KCTD15: variants seen among roughly 807,000 people sequenced by gnomAD.
The protein encoded by KCTD15 is BTB/POZ domain-containing protein KCTD15.
In KCTD15, 11 loss-of-function variants were observed where a neutral mutation model predicts 27.2. The observed-to-expected ratio is 0.41, with a 90% CI of 0.25 to 0.67. The LOEUF (loss-of-function observed/expected upper bound fraction) is 0.67, where lower values mean the gene tolerates loss of function less well. KCTD15 is among the 30% of genes least tolerant of loss of function. The probability of loss-of-function intolerance (pLI) is 0.35; values close to 1 mark genes in which losing one functional copy is unlikely to be tolerated. For synonymous variants in KCTD15, 163 were observed against 176.0 expected (o/e 0.93, Z 0.58); for missense variants, 350 against 409.3 (o/e 0.86, Z 1.25).
upstream of KCTD15, chr19:33,795,853 C>A (rs1269245478): frequency 6.6e-6 from 1 of 152,022 alleles, no homozygotes; most frequent in African/African-American, 2.4e-5. Flanking sequence ...TAGCCGCGAG[C>A]GGTCGGCCCG....
chr19:33,801,066 T>C, intron 3 of KCTD15, 101 bp from the exon 4 acceptor site: 1 of 1,144,984 alleles, frequency 8.7e-7, no homozygotes, highest in Non-Finnish European at 1.2e-6. Flanking sequence ...TGATTAGATC[T>C]GTGATCACAC....
Position 33,803,600 on chromosome 19 carries a change from G to A in KCTD15, c.242+2258G>A, listed in dbSNP as rs578200338. ...GAGTCTCGTGCTGGGTGACTCCTCT[G>A]GTCTGCCTAGGAGCAGTCACTGGTC... On this transcript the variant is annotated intron_variant, in intron 4 of 6. Transcript: ENST00000683859. Among the ~76,000 whole-genome samples, 298 of 152,046 alleles carry A rather than the reference G, an allele frequency of 2.0e-3. 2 individuals are homozygous for A. Among genetic ancestry groups the A allele is most frequent in the African/African-American group, 6.9e-3 (285 of 41,484 alleles).
intron 4 of KCTD15, among the ~76,000 whole-genome samples, chr19:33,806,579 G>GTA (rs1975719088): frequency 6.6e-6 from 1 of 152,180 alleles, no homozygotes; most frequent in African/African-American, 2.4e-5. Context: ...TTCCAGGCCT[G>GTA]TAACATAACG....
chr19:33,801,243 C>T lies in KCTD15; in HGVS notation c.143C>T (p.Pro48Leu), dbSNP rs1215988783. ...SPLAAQGIPLPAQLTKSNAPV... is the reference protein window; with the variant it reads ...SPLAAQGIPLLAQLTKSNAPV... ...CTGGCTGCCCAGGGCATCCCCCTGC[C>T]AGCCCAGCTCACCAAGTCCAATGCA... Residue 48 changes from proline to leucine, a missense_variant, in exon 4 of 7, where the codon CCA becomes CTA. Physicochemically the swap from Pro to Leu is moderately conservative, Grantham distance 98. Coordinates refer to ENST00000683859, the MANE Select transcript of KCTD15 (RefSeq NM_001129994.2). 6.2e-7 allele frequency: 1 copy of T among 1,613,692 alleles called. No homozygotes were observed. Among genetic ancestry groups the T allele is most frequent in the Admixed American group, 1.7e-5 (1 of 59,994 alleles).
rs143973698 is a variant in KCTD15, at chr19:33,800,518, G to A, written c.64G>A (p.Ala22Thr). Reference protein sequence around the residue: ...SLHTHGSTGTAEGGNMSRLSL... With the variant: ...SLHTHGSTGTTEGGNMSRLSL... The stretch of plus-strand genomic sequence containing the variant: ...TCACACACACGGCAGCACCGGCACC[G>A]CGGTGAGCCTGCAGGGTGGGCTGGG... The change falls in exon 3 of 7, where the codon GCG becomes ACG. Residue 22 changes from alanine (A) to threonine (T), a missense_variant and splice_region_variant. Ala to Thr is a moderately conservative substitution (Grantham distance 58, BLOSUM62 0). Transcript: ENST00000683859. 3.0e-5 allele frequency: 48 copies of A among 1,592,622 alleles called. No homozygotes were observed. The highest frequency in any genetic ancestry group is 4.6e-5 in the South Asian group (4 of 87,164).
rs1976034260 is a variant in KCTD15 at position 33,814,422 on chromosome 19, T to C, written c.*1474T>C. ...GGGTCCTGAGCTTGGTGTTATTTATTGCATTTGGGTGCCTGTCCCCTCAGG... is the reference window on the plus strand; with the variant it reads ...GGGTCCTGAGCTTGGTGTTATTTATCGCATTTGGGTGCCTGTCCCCTCAGG... On this transcript the variant is annotated 3_prime_UTR_variant, in exon 7 of 7. Transcript: ENST00000683859. 6.6e-6 allele frequency: 1 copy of C among 152,180 alleles called. No homozygotes were observed. The highest frequency in any genetic ancestry group is 2.1e-4 in the South Asian group (1 of 4,824). 9.4% of individuals were successfully genotyped at this position (152,180 alleles called of 1,614,324 possible). A position where few individuals can be genotyped will look rare whatever the true frequency, so the allele number is the denominator to read the frequency against.
At chr19:33,802,620 G>T (rs541317806) in intron 4 of KCTD15, among the ~76,000 whole-genome samples, 1 of 152,082 alleles carries the variant, frequency 6.6e-6, no homozygotes, top group South Asian at 2.1e-4. Context: ...TGGGGCTTGT[G>T]GGGTGGGGAC....
At chr19:33,794,238 C>T (rs1366725331), upstream of KCTD15, among the ~76,000 whole-genome samples, 1 of 152,124 alleles carries the variant, frequency 6.6e-6, no homozygotes, top group Non-Finnish European at 1.5e-5. Flanking sequence ...ATCTCATGGC[C>T]TTGAGGCAAA....
Position 33,811,485 on chromosome 19 carries a change from G to A in KCTD15, c.626G>A (p.Trp209Ter). 6.2e-7 allele frequency: 1 copy of A among 1,612,890 alleles called. No homozygotes were observed. Among genetic ancestry groups the A allele is most frequent in the Non-Finnish European group, 8.5e-7 (1 of 1,179,752 alleles). ...DVMCNSVNAGWNQDPTHVIRF... is the reference protein window; with the variant it reads ...DVMCNSVNAG ...ATGTGCAACTCCGTCAACGCCGGCT[G>A]GAACCAGGACCCCACGCACGTCATC... The change falls in exon 6 of 7, where the codon TGG becomes TAG. Residue 209 changes from tryptophan (W) to a stop codon, truncating the protein, a stop_gained. Transcript: ENST00000683859. LOFTEE classifies it high-confidence loss of function.
chr19:33,806,015 G>T (rs1018566087), intron 4 of KCTD15, among the ~76,000 whole-genome samples: 1 of 152,188 alleles, frequency 6.6e-6, no homozygotes, highest in Non-Finnish European at 1.5e-5. Flanking sequence ...GTCCCCATCC[G>T]CCACCACTAG....
Position 33,815,031 on chromosome 19 carries a change from A to G in KCTD15, c.*2083A>G, listed in dbSNP as rs889755468. ...AGGCTCCCATCTGAGTGGAGGAGAA[A>G]GTGTTGTGTTTATTAGCAGGAAGTC... On this transcript the variant is annotated 3_prime_UTR_variant, in exon 7 of 7. Transcript: ENST00000683859. 7.9e-5 allele frequency: 12 copies of G among 152,282 alleles called. No homozygotes were observed. The highest frequency in any genetic ancestry group is 2.9e-4 in the African/African-American group (12 of 41,560). 9.4% of individuals were successfully genotyped at this position (152,282 alleles called of 1,614,324 possible).
upstream of KCTD15, among the ~76,000 whole-genome samples, chr19:33,795,675 G>T (rs1376170699): frequency 6.6e-6 from 1 of 152,100 alleles, no homozygotes; most frequent in African/African-American, 2.4e-5. Flanking sequence ...GGGCGCAAAG[G>T]AAACAGGAGG....
rs562831014 is a variant in KCTD15 at position 33,813,537 on chromosome 19, G to A, written c.*589G>A. The A allele has an allele frequency of 3.8e-5, 15 of 391,668 alleles. No homozygotes were observed. Among genetic ancestry groups the A allele is most frequent in the Non-Finnish European group, 6.1e-5 (12 of 198,222 alleles). 24.3% of individuals were successfully genotyped at this position (391,668 alleles called of 1,614,324 possible). Reference sequence around the variant, plus strand: ...CAGGGCTGGGGCTCTCGGGACAGATGCAGGGATGTGTGCTGCAGGGCTGCT... The same window carrying A: ...CAGGGCTGGGGCTCTCGGGACAGATACAGGGATGTGTGCTGCAGGGCTGCT... On this transcript the variant is annotated 3_prime_UTR_variant, in exon 7 of 7. Transcript: ENST00000683859.
chr19:33,814,544 A>G lies in KCTD15; in HGVS notation c.*1596A>G, dbSNP rs1976037158. 6.6e-6 allele frequency: 1 copy of G among 152,184 alleles called. No individual in the cohort carries two copies. The highest frequency in any genetic ancestry group is 6.5e-5 in the Admixed American group (1 of 15,280). The allele number at this position is 152,184 out of a possible 1,614,324, so 9.4% of individuals were successfully genotyped here. On this transcript the variant is annotated 3_prime_UTR_variant, in exon 7 of 7. Transcript: ENST00000683859. ...TGGGTGCTTTTGAACCCTGTCTCAA[A>G]TGTTTGGGATTTTCTCTCTCACTAT...
chr19:33,800,249 T>G (rs1975482581), intron 2 of KCTD15, among the ~76,000 whole-genome samples, 179 bp from the exon 3 acceptor site: 1 of 152,162 alleles, frequency 6.6e-6, no homozygotes, highest in East Asian at 1.9e-4. Flanking sequence ...CCTGGAGGCC[T>G]GCTTTGGGGT....
chr19:33,796,589 G>A (rs1158664111), upstream of KCTD15: 1 of 151,636 alleles, frequency 6.6e-6, no homozygotes, highest in Non-Finnish European at 1.5e-5. Flanking sequence ...CGCTGGCTAG[G>A]GGCTGGAGTG....
chr19:33,804,222 C>T (rs1450332259), intron 4 of KCTD15, among the ~76,000 whole-genome samples: 2 of 152,232 alleles, frequency 1.3e-5, no homozygotes, highest in East Asian at 1.9e-4. Context: ...AGAGGCGGTA[C>T]AGCTGCCGCT....
At chr19:33,802,486 G>A (rs561729204) in intron 4 of KCTD15, among the ~76,000 whole-genome samples, 1 of 152,188 alleles carries the variant, frequency 6.6e-6, no homozygotes, top group Non-Finnish European at 1.5e-5. Context: ...ATGGTCCCTT[G>A]AGGAGGAAAA....
At chr19:33,809,270 T>G (rs2145484099) in intron 5 of KCTD15, among the ~76,000 whole-genome samples, 1 of 152,168 alleles carries the variant, frequency 6.6e-6, no homozygotes, top group East Asian at 1.9e-4. Context: ...GAGCAAGGTT[T>G]CATAAGTAAA....
Sources: allele counts gnomAD v4.1 joint callset (sites outside exome capture counted in the v4.1 genomes callset), GRCh38; gene constraint gnomAD v4.1.1; transcripts MANE v1.5; gene names NCBI Gene and HGNC (gene_info 2026-07-23, HGNC 2026-07-21).